The following SDCBP2 variants were observed in gnomAD, a reference collection of about 807,000 sequenced individuals.
SDCBP2 encodes syndecan binding protein 2.
A neutral mutation model predicts 30.7 loss-of-function variants in SDCBP2; 28 were observed. The ratio of observed to expected loss-of-function variants is 0.91; its 90% CI spans 0.68 to 1.25. The LOEUF (loss-of-function observed/expected upper bound fraction) is 1.25. Among genes scored for constraint, SDCBP2 ranks in the 50% most tolerant of loss-of-function variants. The pLI is 0.00. For missense variants in SDCBP2, 399 were observed against 379.0 expected (o/e 1.05, Z -0.44); for synonymous variants, 166 against 157.3 (o/e 1.06, Z -0.41).
At chr20:1,315,884 A>G (rs1179141085) in intron 4 of SDCBP2, among the ~76,000 whole-genome samples, 3 of 152,150 alleles carry the variant, frequency 2.0e-5, no homozygotes, top group Admixed American at 6.5e-5. Context: ...CACTACAGAC[A>G]AGCCCCAGCC....
Position 1,313,787 on chromosome 20 carries a change from C to A in SDCBP2, c.226-289G>T, listed in dbSNP as rs6514277. On this transcript the variant is annotated intron_variant, in intron 4 of 8. Coordinates refer to ENST00000360779, the MANE Select transcript of SDCBP2 (RefSeq NM_080489.5). The surrounding 1 kb of genome is among the most constrained non-coding windows in gnomAD (Gnocchi z 5.2). ...CAAGGGAAACTGGCATCAGGAAAAG[C>A]CTCCTTTAAAACCCACTTAAAATAG... 85,279 of 571,458 alleles carry A rather than the reference C, an allele frequency of 0.15. 7,293 individuals carry two copies. Among genetic ancestry groups the A allele is most frequent in the Middle Eastern group, 0.21 (362 of 1,740 alleles). The allele number at this position is 571,458 out of a possible 1,614,324, so 35.4% of individuals were successfully genotyped here. A position where few individuals can be genotyped will look rare whatever the true frequency, so the allele number is the denominator to read the frequency against.
rs1270701105 is a variant in SDCBP2 at position 1,310,846 on chromosome 20, T to C, written c.778A>G (p.Thr260Ala). The C allele has an allele frequency of 1.2e-6, 2 of 1,613,922 alleles. No individual in the cohort carries two copies. Among genetic ancestry groups the C allele is most frequent in the Non-Finnish European group, 1.7e-6 (2 of 1,179,930 alleles). The stretch of plus-strand genomic sequence containing the variant: ...ATCACACTGGGGATGATGGTCAGGG[T>C]GACAACGTTCCCAGCCGTGGCCAGA... ...EILATAGNVVTLTIIPSVIYE... is the reference protein window; with the variant it reads ...EILATAGNVVALTIIPSVIYE... Residue 260 changes from threonine to alanine, a missense_variant, in exon 8 of 9, where the codon ACC (threonine) becomes GCC (alanine). Transcript: ENST00000360779.
In SDCBP2 at chr20:1,313,543, C is replaced by G. The variant is rs748068302; in HGVS notation, c.226-45G>C. The G allele has an allele frequency of 3.7e-5, 56 of 1,527,284 alleles. No homozygotes were observed. The highest frequency in any genetic ancestry group is 2.3e-4 in the Middle Eastern group (1 of 4,394). The allele number at this position is 1,527,284 out of a possible 1,614,324, so 94.6% of individuals were successfully genotyped here. On this transcript the variant is annotated intron_variant, in intron 4 of 8. Coordinates refer to ENST00000360779, the MANE Select transcript of SDCBP2 (RefSeq NM_080489.5). This position sits in a 1 kb window ranked among gnomAD's most constrained non-coding sequence, Gnocchi z 5.2. ...GGGGGTCAGCCCGGCCCGTGGGGACCCTGTGCCTCAGGAGACACTGGGGTG... is the reference window on the plus strand; with the variant it reads ...GGGGGTCAGCCCGGCCCGTGGGGACGCTGTGCCTCAGGAGACACTGGGGTG...
rs781474367 is a variant in SDCBP2 at position 1,320,323 on chromosome 20, C to G, written c.54+40G>C. The G allele has an allele frequency of 1.3e-6, 2 of 1,591,360 alleles. No homozygotes were observed. The highest frequency in any genetic ancestry group is 2.7e-5 in the African/African-American group (2 of 74,412). On this transcript the variant is annotated intron_variant, in intron 2 of 8. Coordinates refer to ENST00000360779, the MANE Select transcript of SDCBP2 (RefSeq NM_080489.5). This position sits in a 1 kb window ranked among gnomAD's most constrained non-coding sequence, Gnocchi z 4.7. ...ACCTTCCAGGGTAATCCCCAAGGTC[C>G]CCTTCAGGGAATCCAGGCCAATGGG...
At chr20:1,322,948 G>A (rs1368883647) in intron 1 of SDCBP2, 1 of 152,090 alleles carries the variant, frequency 6.6e-6, no homozygotes, top group East Asian at 1.9e-4. Context: ...TACTTGGATT[G>A]AAAAAAATAT....
chr20:1,312,207 C>A (rs2088683144), intron 7 of SDCBP2, 130 bp downstream of exon 7: 1 of 915,840 alleles, frequency 1.1e-6, no homozygotes, highest in South Asian at 1.6e-5. Flanking sequence ...CCTACGAACA[C>A]CGTCTTACTG....
chr20:1,313,148 G>C lies in SDCBP2; in HGVS notation c.384+192C>G. Reference sequence around the variant, plus strand: ...GAAGCCCACGGAGAGGCCAGTGGAGGGCCCTGCGCAACCCAGCACCAGCCC... The same window carrying C: ...GAAGCCCACGGAGAGGCCAGTGGAGCGCCCTGCGCAACCCAGCACCAGCCC... On this transcript the variant is annotated intron_variant, in intron 5 of 8. Coordinates refer to ENST00000360779, the MANE Select transcript of SDCBP2 (RefSeq NM_080489.5). The surrounding 1 kb of genome is among the most constrained non-coding windows in gnomAD (Gnocchi z 5.2). 4.7e-6 allele frequency: 3 copies of C among 641,508 alleles called. No homozygotes were observed. Among genetic ancestry groups the C allele is most frequent in the Non-Finnish European group, 8.0e-6 (3 of 373,670 alleles). The allele number at this position is 641,508 out of a possible 1,614,324, so 39.7% of individuals were successfully genotyped here. A position where few individuals can be genotyped will look rare whatever the true frequency, so the allele number is the denominator to read the frequency against.
chr20:1,323,611 T>C (rs896423822), intron 1 of SDCBP2: 1 of 152,256 alleles, frequency 6.6e-6, no homozygotes, highest in South Asian at 2.1e-4. Context: ...AGTCGTTCCT[T>C]GGGGTAGGTT....
Position 1,310,416 on chromosome 20 carries a change from C to T in SDCBP2, c.*25G>A, listed in dbSNP as rs1218607875. On this transcript the variant is annotated 3_prime_UTR_variant, in exon 9 of 9. Coordinates refer to ENST00000360779, the MANE Select transcript of SDCBP2 (RefSeq NM_080489.5). The stretch of plus-strand genomic sequence containing the variant: ...GCTGCAGGAGGGCGGGAAGCCCCCC[C>T]TGCCTGCCCTGCCCTGCAGTGGCTT... 1 of 1,612,020 alleles carries T rather than the reference C, an allele frequency of 6.2e-7. No homozygotes were observed. The highest frequency in any genetic ancestry group is 2.2e-5 in the East Asian group (1 of 44,864).
In SDCBP2 at chr20:1,312,511, G is replaced by C. The variant is rs748989578; in HGVS notation, c.561-3C>G. 6.2e-7 allele frequency: 1 copy of C among 1,614,154 alleles called. No homozygotes were observed. The highest frequency in any genetic ancestry group is 8.5e-7 in the Non-Finnish European group (1 of 1,180,020). ...TGGTGACAGTCCGCTGGAACGGCCT[G>C]GCAGGAGGGACAGTGAGCTGTCCTG... is the stretch of plus-strand genomic sequence containing the variant. On this transcript the variant is annotated splice_region_variant and splice_polypyrimidine_tract_variant and intron_variant, in intron 6 of 8. Transcript: ENST00000360779.
At chr20:1,311,895 A>G (rs2088675673) in intron 7 of SDCBP2, among the ~76,000 whole-genome samples, 1 of 57,808 alleles carries the variant, frequency 1.7e-5, no homozygotes, top group Non-Finnish European at 3.0e-5. Context: ...CTCTAGGTAC[A>G]CTGTCTTTTT....
chr20:1,316,676 C>G (rs2088781823), intron 4 of SDCBP2, among the ~76,000 whole-genome samples: 1 of 152,188 alleles, frequency 6.6e-6, no homozygotes, highest in Admixed American at 6.5e-5. Context: ...AGGCATGCAC[C>G]ACCACACCTG....
Position 1,313,695 on chromosome 20 carries a change from T to C in SDCBP2, c.226-197A>G. On this transcript the variant is annotated intron_variant, in intron 4 of 8. Coordinates refer to ENST00000360779, the MANE Select transcript of SDCBP2 (RefSeq NM_080489.5). The surrounding 1 kb of genome is among the most constrained non-coding windows in gnomAD (Gnocchi z 5.2). The stretch of plus-strand genomic sequence containing the variant: ...GGCCACTAGGGGGCGTCAAAGTCCA[T>C]GCCCTTAAAAAGCCAGGAAAACGGG... 3 of 1,343,296 alleles carry C rather than the reference T, an allele frequency of 2.2e-6. No individual in the cohort carries two copies. The highest frequency in any genetic ancestry group is 2.9e-6 in the Non-Finnish European group (3 of 1,047,384). The allele number at this position is 1,343,296 out of a possible 1,614,324, so 83.2% of individuals were successfully genotyped here.
Position 1,310,051 on chromosome 20 carries a change from C to T in SDCBP2, c.*390G>A, listed in dbSNP as rs947527500. The T allele has an allele frequency of 5.7e-6, 1 of 175,428 alleles. No homozygotes were observed. Among genetic ancestry groups the T allele is most frequent in the Non-Finnish European group, 1.2e-5 (1 of 84,150 alleles). The allele number at this position is 175,428 out of a possible 1,614,324, so 10.9% of individuals were successfully genotyped here. On this transcript the variant is annotated 3_prime_UTR_variant, in exon 9 of 9. Transcript: ENST00000360779. ...ATGCAGTCTGTGACAAAGAGCAAGT[C>T]AAGGCAAGGAAAAAGCTCTCACAAA...
intron 3 of SDCBP2, among the ~76,000 whole-genome samples, chr20:1,318,897 G>A (rs1336783877): frequency 6.6e-6 from 1 of 152,234 alleles, no homozygotes; most frequent in Non-Finnish European, 1.5e-5. Flanking sequence ...TGCAAGCCAG[G>A]AAGGGAGGCC....
chr20:1,311,152 G>A, intron 7 of SDCBP2: 1 of 421,556 alleles, frequency 2.4e-6, no homozygotes, highest in African/African-American at 2.0e-5. Context: ...CCCACCCTCA[G>A]CTTGAAGGCC....
At position 1,310,829 on chromosome 20, in the gene SDCBP2, G is replaced by A; in HGVS notation, c.795C>T (p.Pro265=). ...TGACCATGTGCTCGTAGATCACACT[G>A]GGGATGATGGTCAGGGTGACAACGT... The part of the protein sequence containing the change: ...AGNVVTLTII[P]SVIYEHMVKK... Residue 265 remains proline (P), a synonymous_variant, in exon 8 of 9, where the codon CCC becomes CCT. Transcript: ENST00000360779. The A allele has an allele frequency of 6.2e-7, 1 of 1,614,006 alleles. No individual in the cohort carries two copies. The highest frequency in any genetic ancestry group is 1.1e-5 in the South Asian group (1 of 91,066).
chr20:1,313,336 C>T lies in SDCBP2; in HGVS notation c.384+4G>A, dbSNP rs949891701. On this transcript the variant is annotated splice_donor_region_variant and intron_variant, in intron 5 of 8. Transcript: ENST00000360779. This position sits in a 1 kb window ranked among gnomAD's most constrained non-coding sequence, Gnocchi z 5.2. Reference sequence around the variant, plus strand: ...CCTCTTCCCACCCAGCCCCCGCGCCCTACCTGGTCGACCTTCCGCAGCCTC... The same window carrying T: ...CCTCTTCCCACCCAGCCCCCGCGCCTTACCTGGTCGACCTTCCGCAGCCTC... 2 of 1,610,632 alleles carry T rather than the reference C, an allele frequency of 1.2e-6. No individual in the cohort carries two copies. The highest frequency in any genetic ancestry group is 2.7e-5 in the African/African-American group (2 of 74,904).
Position 1,320,508 on chromosome 20 carries a change from C to T in SDCBP2, c.-19-73G>A. 8.4e-7 allele frequency: 1 copy of T among 1,186,534 alleles called. No individual in the cohort carries two copies. The highest frequency in any genetic ancestry group is 1.2e-6 in the Non-Finnish European group (1 of 818,212). The allele number at this position is 1,186,534 out of a possible 1,614,324, so 73.5% of individuals were successfully genotyped here. On this transcript the variant is annotated intron_variant, in intron 1 of 8. Coordinates refer to ENST00000360779, the MANE Select transcript of SDCBP2 (RefSeq NM_080489.5). This position sits in a 1 kb window ranked among gnomAD's most constrained non-coding sequence, Gnocchi z 4.7. ...CCTTGAAAGGAGGCACAGACATCCG[C>T]AACAGCAAGCGGGTTGGAACTTAAT...
Sources: allele counts gnomAD v4.1 joint callset (sites outside exome capture counted in the v4.1 genomes callset), GRCh38; gene constraint gnomAD v4.1.1; non-coding constraint Gnocchi (gnomAD v3.1); transcripts MANE v1.5; gene names NCBI Gene and HGNC (gene_info 2026-07-23, HGNC 2026-07-21).